BIN1: variants seen among roughly 807,000 people sequenced by gnomAD.
BIN1 encodes the protein bridging integrator 1, also known as myc box-dependent-interacting protein 1.
Under a neutral mutation model 82.0 loss-of-function variants are expected in BIN1, and 53 were observed. The ratio of observed to expected loss-of-function variants is 0.65; its 90% CI spans 0.52 to 0.81. BIN1 has a LOEUF of 0.81. Ranked by LOEUF, BIN1 falls within the 40% of genes least tolerant of loss-of-function variation. BIN1 has a pLI of 0.00. For missense variants in BIN1, 642 were observed against 784.4 expected (o/e 0.82, Z 2.17); for synonymous variants, 302 against 328.0 (o/e 0.92, Z 0.86).
Position 127,057,682 on chromosome 2 carries a change from G to GCCA in BIN1, c.1003-84_1003-82dup, listed in dbSNP as rs749428975. The GCCA allele has an allele frequency of 2.1e-5, 30 of 1,424,658 alleles. No individual in the cohort carries two copies. Among genetic ancestry groups the GCCA allele is most frequent in the Non-Finnish European group, 2.8e-5 (30 of 1,083,834 alleles). The allele number at this position is 1,424,658 out of a possible 1,614,324, so 88.3% of individuals were successfully genotyped here. ...TTTGGGGGAGACAGACAGAGACAAA[G>GCCA]CCACGGTTAGTCACACCTCAGGCCA... On this transcript the variant is annotated intron_variant, in intron 11 of 18. Coordinates refer to ENST00000316724, the MANE Select transcript of BIN1 (RefSeq NM_139343.3). This position sits in a 1 kb window ranked among gnomAD's most constrained non-coding sequence, Gnocchi z 5.0.
chr2:127,085,749 G>A (rs980040289), intron 1 of BIN1, among the ~76,000 whole-genome samples: 12 of 152,192 alleles, frequency 7.9e-5, no homozygotes, highest in African/African-American at 2.2e-4. Context: ...GGGCTGCTCC[G>A]AAAGGGGGAG....
chr2:127,101,006 T>TGGGGGGGGGGGGGGGGGGGGGGGGGGG (rs368156938), intron 1 of BIN1, among the ~76,000 whole-genome samples: 1 of 109,214 alleles, frequency 9.2e-6, no homozygotes, highest in Admixed American at 8.4e-5. Context: ...GTGCGGGGGG[T>TGGGGGGGGGGGGGGGGGGGGGGGGGGG]GGGGATAGAC....
intron 8 of BIN1, 69 bp from the exon 9 acceptor site, chr2:127,063,715 C>T: frequency 6.5e-7 from 1 of 1,537,494 alleles, no homozygotes; most frequent in Admixed American, 1.8e-5. Flanking sequence ...GAAATACCCA[C>T]CCACGAGCGA....
chr2:127,098,721 T>A (rs1023008578), intron 1 of BIN1, among the ~76,000 whole-genome samples: 7 of 152,238 alleles, frequency 4.6e-5, no homozygotes, highest in African/African-American at 1.7e-4. Context: ...CTCACAGTGA[T>A]GTCTGGGTCC....
chr2:127,096,014 C>T (rs1679554881), intron 1 of BIN1, among the ~76,000 whole-genome samples: 2 of 152,184 alleles, frequency 1.3e-5, no homozygotes, highest in Non-Finnish European at 2.9e-5. Flanking sequence ...TGGTGGCCCA[C>T]CTGGAGCCTG....
intron 1 of BIN1, among the ~76,000 whole-genome samples, chr2:127,101,808 C>T (rs1434051472): frequency 4.6e-5 from 7 of 152,188 alleles, no homozygotes; most frequent in African/African-American, 1.4e-4. Context: ...TGCACCCACA[C>T]ACATGCATGC....
At chr2:127,097,404 C>G (rs562960175) in intron 1 of BIN1, among the ~76,000 whole-genome samples, 1 of 151,430 alleles carries the variant, frequency 6.6e-6, no homozygotes, top group Non-Finnish European at 1.5e-5. Flanking sequence ...GGCCCAGCAG[C>G]GTCACCCCTC....
intron 1 of BIN1, among the ~76,000 whole-genome samples, chr2:127,083,234 T>C (rs1017030182): frequency 2.6e-5 from 4 of 152,070 alleles, no homozygotes; most frequent in Non-Finnish European, 4.4e-5. Context: ...TACAGGCCAC[T>C]GCACCTAGCT....
At chr2:127,054,078 G>A in intron 12 of BIN1, 66 bp from the exon 13 acceptor site, 1 of 1,340,084 alleles carries the variant, frequency 7.5e-7, no homozygotes, top group African/African-American at 1.5e-5. Flanking sequence ...CTCACCCCAG[G>A]CAGACACTGC....
At chr2:127,087,075 A>G (rs1678268259) in intron 1 of BIN1, among the ~76,000 whole-genome samples, 3 of 152,224 alleles carry the variant, frequency 2.0e-5, no homozygotes, top group Admixed American at 2.0e-4. Context: ...GTGAGAGCAA[A>G]AAGTGGTGTT....
chr2:127,099,584 G>T (rs1161713183), intron 1 of BIN1, among the ~76,000 whole-genome samples: 2 of 152,184 alleles, frequency 1.3e-5, no homozygotes, highest in Non-Finnish European at 2.9e-5. Flanking sequence ...CACGATCTGG[G>T]CTCACTGCAA....
intron 1 of BIN1, among the ~76,000 whole-genome samples, chr2:127,088,087 C>T (rs1040248419): frequency 7.2e-5 from 11 of 152,214 alleles, no homozygotes; most frequent in Non-Finnish European, 1.5e-4. Flanking sequence ...GTCCCCACCC[C>T]GGCTCTGGGA....
intron 1 of BIN1, 77 bp downstream of exon 1, chr2:127,106,783 C>T (rs917597789): frequency 6.6e-7 from 1 of 1,515,040 alleles, no homozygotes; most frequent in Non-Finnish European, 8.9e-7. Context: ...GCCCCGGGGT[C>T]GGAGGATAGG....
rs555864501 is a variant in BIN1, at chr2:127,097,877, G to A, written c.84+8983C>T. On this transcript the variant is annotated intron_variant, in intron 1 of 18. Transcript: ENST00000316724. The stretch of plus-strand genomic sequence containing the variant: ...ATGGGCCCTGACAAGCACTGTTCCC[G>A]CTGCCATCCAAGCATCTCTCCCCAC... Among the ~76,000 whole-genome samples the A allele has an allele frequency of 9.2e-5, 14 of 152,280 alleles. 1 individual carries two copies. In the South Asian group the frequency reaches 1.9e-3, roughly 20 times the overall value.
At chr2:127,064,738 G>C (rs1684929404) in intron 7 of BIN1, 1 of 158,074 alleles carries the variant, frequency 6.3e-6, no homozygotes, top group Admixed American at 5.9e-5. Flanking sequence ...ACCTTCCCCA[G>C]GGCAGGCCCT....
chr2:127,083,395 A>G (rs1042283813), intron 1 of BIN1, among the ~76,000 whole-genome samples: 1 of 152,116 alleles, frequency 6.6e-6, no homozygotes, highest in Admixed American at 6.5e-5. Flanking sequence ...TTCTCTATAT[A>G]TAAACCGTTC....
Position 127,048,179 on chromosome 2 carries a change from C to T in BIN1, c.*347G>A, listed in dbSNP as rs1271222995. 5 of 365,490 alleles carry T rather than the reference C, an allele frequency of 1.4e-5. No individual in the cohort carries two copies. The highest frequency in any genetic ancestry group is 4.1e-5 in the Admixed American group (1 of 24,318). 22.6% of individuals were successfully genotyped at this position (365,490 alleles called of 1,614,324 possible). On this transcript the variant is annotated 3_prime_UTR_variant, in exon 19 of 19. Coordinates refer to ENST00000316724, the MANE Select transcript of BIN1 (RefSeq NM_139343.3). ...CAGCAGCTGCCAGGAAAAGAGGACC[C>T]TTGCCCGGGTGGCGCGGCCGAAGCT...
intron 9 of BIN1, among the ~76,000 whole-genome samples, 162 bp downstream of exon 9, chr2:127,063,409 C>T (rs1162344296): frequency 6.6e-6 from 1 of 152,186 alleles, no homozygotes; most frequent in East Asian, 1.9e-4. Flanking sequence ...CCAGGCACTC[C>T]TGAAGGGGGC....
Position 127,067,557 on chromosome 2 carries a change from C to T in BIN1, c.612+606G>A, listed in dbSNP as rs985017595. On this transcript the variant is annotated intron_variant, in intron 7 of 18. Coordinates refer to ENST00000316724, the MANE Select transcript of BIN1 (RefSeq NM_139343.3). This position sits in a 1 kb window ranked among gnomAD's most constrained non-coding sequence, Gnocchi z 4.7. ...CCAAAGGCCAAGGACCCATGCTTCC[C>T]CTCCACGTCTCAGCATCCCATCCAG... Among the ~76,000 whole-genome samples the T allele has an allele frequency of 5.9e-5, 9 of 152,198 alleles. No homozygotes were observed. The highest frequency in any genetic ancestry group is 2.2e-4 in the African/African-American group (9 of 41,442).
Sources: allele counts gnomAD v4.1 joint callset (sites outside exome capture counted in the v4.1 genomes callset), GRCh38; gene constraint gnomAD v4.1.1; non-coding constraint Gnocchi (gnomAD v3.1); transcripts MANE v1.5; gene names NCBI Gene and HGNC (gene_info 2026-07-23, HGNC 2026-07-21).